The following UPP2 variants were observed in gnomAD, a reference collection of about 807,000 sequenced individuals.
The protein encoded by UPP2 is uridine phosphorylase 2, also known as UPase 2.
UPP2 carries 23 observed loss-of-function variants against 26.7 expected under a neutral mutation model. That is an observed-to-expected ratio of 0.86 (90% CI 0.62 to 1.22). The LOEUF is 1.22. UPP2 is among the 50% of genes most tolerant of loss of function. UPP2 has a pLI of 0.00. For missense variants in UPP2, 387 were observed against 396.7 expected, an observed-to-expected ratio of 0.98 and a Z score of 0.21; for synonymous variants, 127 against 141.3, an observed-to-expected ratio of 0.90 and a Z score of 0.72.
intron 3 of UPP2, among the ~76,000 whole-genome samples, chr2:158,031,334 G>C (rs1683917050): frequency 6.6e-6 from 1 of 152,192 alleles, no homozygotes; most frequent in South Asian, 2.1e-4. Flanking sequence ...GCATAATCTG[G>C]CCTCCCAAGC....
chr2:158,098,884 T>C (rs1353148845), upstream of UPP2, among the ~76,000 whole-genome samples: 1 of 152,218 alleles, frequency 6.6e-6, no homozygotes. Flanking sequence ...TGCACGTATA[T>C]GTAATAATGT....
chr2:157,996,345 T>C (rs1683324159), intron 2 of UPP2, among the ~76,000 whole-genome samples: 1 of 152,198 alleles, frequency 6.6e-6, no homozygotes, highest in African/African-American at 2.4e-5. Context: ...TATTGAGCTC[T>C]TTTTTCTTGC....
chr2:158,091,331 T>C lies in UPP2; in HGVS notation c.148-10709T>C, dbSNP rs1336919096. On this transcript the variant is annotated intron_variant, in intron 3 of 9. Coordinates refer to the UPP2 transcript ENST00000605860. ...AGAGAAATCAGCTGTAATGGGAAGA[T>C]TAGCACTTCAAGAACTTCAGATAGA... Among the ~76,000 whole-genome samples the C allele has an allele frequency of 2.0e-5, 3 of 152,072 alleles. No individual in the cohort carries two copies. The East Asian group carries it at 5.8e-4, about 29-fold the overall frequency.
At chr2:158,078,637 A>T (rs1682669262) in intron 3 of UPP2, among the ~76,000 whole-genome samples, 1 of 152,150 alleles carries the variant, frequency 6.6e-6, no homozygotes, top group Non-Finnish European at 1.5e-5. Context: ...TGGGAAGAGT[A>T]GCAGGGGGAT....
intron 3 of UPP2, among the ~76,000 whole-genome samples, chr2:158,064,953 T>C (rs970284482): frequency 6.6e-6 from 1 of 152,206 alleles, no homozygotes; most frequent in Non-Finnish European, 1.5e-5. Context: ...TATATATCTG[T>C]TTTGGTACCA....
intron 3 of UPP2, among the ~76,000 whole-genome samples, chr2:158,069,817 T>C (rs1682509295): frequency 1.3e-5 from 2 of 152,152 alleles, no homozygotes; most frequent in Non-Finnish European, 2.9e-5. Context: ...CAACAGAAAT[T>C]TATCAAGTTC....
intron 5 of UPP2, among the ~76,000 whole-genome samples, chr2:158,123,152 C>T (rs763583876): frequency 9.9e-5 from 15 of 152,152 alleles, no homozygotes; most frequent in East Asian, 1.9e-4. Context: ...TGCTTCTGTC[C>T]GCACTGGTAG....
At chr2:157,999,463 A>T (rs1201150389) in intron 2 of UPP2, among the ~76,000 whole-genome samples, 1 of 152,230 alleles carries the variant, frequency 6.6e-6, no homozygotes, top group East Asian at 1.9e-4. Flanking sequence ...CAAGTGTGAG[A>T]CACCTCACCC....
intron 3 of UPP2, among the ~76,000 whole-genome samples, chr2:158,089,443 A>G (rs1574284445): frequency 6.6e-6 from 1 of 151,362 alleles, no homozygotes; most frequent in South Asian, 2.1e-4. Flanking sequence ...CAGATTTTGC[A>G]CCTCCCTGCC....
intron 3 of UPP2, among the ~76,000 whole-genome samples, chr2:158,030,915 C>G (rs971190451): frequency 6.6e-6 from 1 of 152,176 alleles, no homozygotes; most frequent in Admixed American, 6.5e-5. Flanking sequence ...CTCTTGGGAG[C>G]TTAGCATCTA....
At chr2:158,098,801 T>G (rs1381784763), upstream of UPP2, among the ~76,000 whole-genome samples, 1 of 152,224 alleles carries the variant, frequency 6.6e-6, no homozygotes, top group African/African-American at 2.4e-5. Flanking sequence ...CACTGTCCTC[T>G]GCTCTATCTT....
chr2:158,034,269 T>G (rs1683967863), intron 3 of UPP2, among the ~76,000 whole-genome samples: 1 of 152,078 alleles, frequency 6.6e-6, no homozygotes, highest in Non-Finnish European at 1.5e-5. Context: ...CTGCTCTCTG[T>G]GGGGAGGAGG....
intron 2 of UPP2, among the ~76,000 whole-genome samples, chr2:158,107,127 A>C (rs897242159): frequency 6.6e-6 from 1 of 152,218 alleles, no homozygotes; most frequent in South Asian, 2.1e-4. Flanking sequence ...GATTTTCTAC[A>C]TTTAGGCCAA....
upstream of UPP2, among the ~76,000 whole-genome samples, chr2:158,097,390 T>TAG (rs1241927432): frequency 8.4e-4 from 128 of 151,978 alleles, 2 homozygotes; most frequent in African/African-American, 2.8e-3. Flanking sequence ...TATATATATA[T>TAG]ATATAGAGAG....
In UPP2 at chr2:158,105,258, C is replaced by T. The variant is rs76381613; in HGVS notation, c.63-841C>T. Among the ~76,000 whole-genome samples, 484 of 152,134 alleles carry T rather than the reference C, an allele frequency of 3.2e-3. 2 individuals carry two copies. Among genetic ancestry groups the T allele is most frequent in the African/African-American group, 0.011 (465 of 41,494 alleles). On this transcript the variant is annotated intron_variant, in intron 1 of 6. Transcript: ENST00000005756. Reference sequence around the variant, plus strand: ...ATTGAATTAAGGTCATTCTTATAGCCGTCATCAGCTCACTGTCTTGAATTT... The same window carrying T: ...ATTGAATTAAGGTCATTCTTATAGCTGTCATCAGCTCACTGTCTTGAATTT...
intron 3 of UPP2, among the ~76,000 whole-genome samples, chr2:158,042,995 C>G (rs897512681): frequency 6.6e-6 from 1 of 152,210 alleles, no homozygotes; most frequent in South Asian, 2.1e-4. Context: ...AGTCTCAAAC[C>G]CTCATTTCAC....
chr2:158,030,924 T>C (rs1683911238), intron 3 of UPP2, among the ~76,000 whole-genome samples: 1 of 152,228 alleles, frequency 6.6e-6, no homozygotes, highest in African/African-American at 2.4e-5. Context: ...GCTTAGCATC[T>C]AGCTGGGATG....
At chr2:158,035,158 CTTT>C (rs397868383) in intron 3 of UPP2, among the ~76,000 whole-genome samples, 2 of 143,276 alleles carry the variant, frequency 1.4e-5, no homozygotes, top group African/African-American at 2.6e-5. Context: ...GGATCAGAAT[CTTT>C]TTTTTTTTTT....
intron 3 of UPP2, among the ~76,000 whole-genome samples, chr2:158,074,845 T>TA (rs1315836966): frequency 2.5e-4 from 38 of 150,132 alleles, no homozygotes; most frequent in African/African-American, 4.9e-4. Flanking sequence ...TTTTTTTTTT[T>TA]AAAAGACCAA....
Sources: allele counts gnomAD v4.1 joint callset (sites outside exome capture counted in the v4.1 genomes callset), GRCh38; gene constraint gnomAD v4.1.1; transcripts MANE v1.5; gene names NCBI Gene and HGNC (gene_info 2026-07-23, HGNC 2026-07-21).